The following UTRN variants were observed in gnomAD, a reference collection of about 807,000 sequenced individuals.
UTRN encodes the protein dystrophin-related protein 1.
In UTRN, 283 loss-of-function variants were observed where a neutral mutation model predicts 463.9. That is an observed-to-expected ratio of 0.61 (90% confidence interval 0.55 to 0.67). The LOEUF is 0.67. Ranked by LOEUF, UTRN falls within the 30% of genes least tolerant of loss-of-function variation. The probability of loss-of-function intolerance (pLI) is 0.00; values close to 1 mark genes in which losing one functional copy is unlikely to be tolerated. For missense variants in UTRN, 3,922 were observed against 4,084.3 expected (o/e 0.96, Z 1.08); for synonymous variants, 1,442 against 1,431.5 (o/e 1.01, Z -0.17).
At chr6:144,644,206 C>T (rs1267160361) in intron 51 of UTRN, among the ~76,000 whole-genome samples, 3 of 152,140 alleles carry the variant, frequency 2.0e-5, no homozygotes, top group African/African-American at 7.2e-5. Context: ...TAATCCTTAT[C>T]CTCTTATGCC....
intron 55 of UTRN, among the ~76,000 whole-genome samples, chr6:144,750,443 G>A (rs17074121): frequency 0.026 from 3,884 of 152,018 alleles, 158 homozygotes; most frequent in African/African-American, 0.089. Flanking sequence ...TGCAGGGTTC[G>A]GTAATATTTC....
Position 144,851,008 on chromosome 6 carries a change from C to T in UTRN, c.*11C>T, listed in dbSNP as rs199780135. Reference sequence around the variant, plus strand: ...CCATAGGCAATGTGAAGTATTCATCCGGCCAACCAATGTTTCCTGACGTAC... The same window carrying T: ...CCATAGGCAATGTGAAGTATTCATCTGGCCAACCAATGTTTCCTGACGTAC... On this transcript the variant is annotated 3_prime_UTR_variant, in exon 75 of 75. Transcript: ENST00000367545. 6.8e-5 allele frequency: 109 copies of T among 1,613,598 alleles called. 1 individual carries two copies. The highest frequency in any genetic ancestry group is 6.7e-4 in the East Asian group (30 of 44,878).
At chr6:144,390,153 C>G (rs1438052605) in intron 2 of UTRN, among the ~76,000 whole-genome samples, 1 of 152,122 alleles carries the variant, frequency 6.6e-6, no homozygotes, top group African/African-American at 2.4e-5. Flanking sequence ...AAAATTTTGT[C>G]TCTTAAGAGC....
In UTRN at chr6:144,499,359, G is replaced by C; in HGVS notation, c.4696G>C (p.Glu1566Gln). The C allele has an allele frequency of 1.2e-6, 2 of 1,613,844 alleles. No homozygotes were observed. Among genetic ancestry groups the C allele is most frequent in the Middle Eastern group, 1.7e-4 (1 of 6,060 alleles). ...TGAATGGCTTTCTGCTACTGAAACT[G>C]AATTGGTACAGAAGTCCACTTCAGA... ...LSEWLSATET[E>Q]LVQKSTSEGL... Residue 1566 changes from glutamate to glutamine, a missense_variant, in exon 34 of 75, where the codon GAA becomes CAA. Glu to Gln is a conservative substitution (Grantham distance 29, BLOSUM62 2). This residue lies in a region of UTRN where 2,349 missense variants were observed against 2,303.8 expected (regional missense o/e 1.02). Transcript: ENST00000367545.
intron 9 of UTRN, among the ~76,000 whole-genome samples, chr6:144,434,906 T>G (rs1273201999): frequency 3.3e-5 from 5 of 152,142 alleles, no homozygotes; most frequent in African/African-American, 1.2e-4. Flanking sequence ...TTGGGACAGT[T>G]CTGGTTTGGA....
chr6:144,754,575 CAG>C (rs975952022), intron 56 of UTRN, 143 bp from the exon 57 acceptor site: 2 of 225,122 alleles, frequency 8.9e-6, no homozygotes, highest in African/African-American at 5.6e-5. Context: ...ATACCAGAGA[CAG>C]AGAAGGGGTC....
chr6:144,584,120 C>G (rs1802236157), intron 51 of UTRN, among the ~76,000 whole-genome samples: 1 of 152,100 alleles, frequency 6.6e-6, no homozygotes, highest in Admixed American at 6.5e-5. Context: ...TCTTAAATCT[C>G]CATATATTAT....
chr6:144,784,538 AC>A (rs1220364838), intron 61 of UTRN, among the ~76,000 whole-genome samples: 1 of 152,136 alleles, frequency 6.6e-6, no homozygotes, highest in African/African-American at 2.4e-5. Context: ...ATCTTTAAAG[AC>A]CCTATCTCCA....
intron 51 of UTRN, among the ~76,000 whole-genome samples, chr6:144,610,212 A>G (rs969752432): frequency 2.0e-5 from 3 of 151,802 alleles, no homozygotes; most frequent in Non-Finnish European, 4.4e-5. Flanking sequence ...AAAAAGACCC[A>G]AAGAAGTAAA....
chr6:144,827,787 G>A, intron 68 of UTRN, 111 bp downstream of exon 68: 2 of 1,294,680 alleles, frequency 1.5e-6, no homozygotes, highest in East Asian at 2.5e-5. Flanking sequence ...AGTTTTGCAG[G>A]AGTTATGATT....
intron 51 of UTRN, among the ~76,000 whole-genome samples, chr6:144,598,373 A>G (rs1356328005): frequency 1.3e-5 from 2 of 152,224 alleles, no homozygotes; most frequent in Non-Finnish European, 2.9e-5. Flanking sequence ...CCTGGAATCA[A>G]TCGAAGGGAG....
At chr6:144,564,126 C>T (rs1446539236) in intron 50 of UTRN, among the ~76,000 whole-genome samples, 2 of 152,134 alleles carry the variant, frequency 1.3e-5, no homozygotes, top group African/African-American at 2.4e-5. Flanking sequence ...CATTCCTGCT[C>T]CCAGGAAGCT....
At chr6:144,413,052 G>C (rs73780560) in intron 3 of UTRN, among the ~76,000 whole-genome samples, 4,714 of 152,186 alleles carry the variant, frequency 0.031, 152 homozygotes, top group African/African-American at 0.078. Context: ...TCTCCCTGCT[G>C]TATCTGTTTC....
chr6:144,492,724 A>G (rs1793186056), intron 32 of UTRN, among the ~76,000 whole-genome samples: 2 of 152,202 alleles, frequency 1.3e-5, no homozygotes, highest in Admixed American at 1.3e-4. Flanking sequence ...GACTGGTGTG[A>G]GATAGTATCT....
intron 73 of UTRN, among the ~76,000 whole-genome samples, chr6:144,844,944 T>C (rs1781897059): frequency 6.6e-6 from 1 of 152,252 alleles, no homozygotes; most frequent in Admixed American, 6.5e-5. Flanking sequence ...TTTCCACTCT[T>C]GGCAATCTTG....
rs192741426 is a variant in UTRN, at chr6:144,579,689, A to G, written c.7479+2401A>G. Among the ~76,000 whole-genome samples the G allele has an allele frequency of 2.0e-5, 3 of 152,358 alleles. No homozygotes were observed. The East Asian group carries it at 5.8e-4, about 29-fold the overall frequency. On this transcript the variant is annotated intron_variant, in intron 51 of 74. Transcript: ENST00000367545. The stretch of plus-strand genomic sequence containing the variant: ...TTACTTATGGCAAACAGCATCAAGA[A>G]AGGGTGCTGATAAAAATATTAAAAT...
intron 73 of UTRN, among the ~76,000 whole-genome samples, chr6:144,846,483 C>T (rs1309208343): frequency 2.6e-5 from 4 of 152,146 alleles, no homozygotes; most frequent in Admixed American, 6.5e-5. Context: ...TGTTCTGATA[C>T]ATAAACCAAA....
intron 3 of UTRN, among the ~76,000 whole-genome samples, chr6:144,405,414 C>G (rs1038047097): frequency 3.3e-5 from 5 of 152,054 alleles, no homozygotes; most frequent in African/African-American, 1.2e-4. Flanking sequence ...TCCCATGTGG[C>G]TTAACTCTTG....
chr6:144,358,600 A>C (rs963192803), intron 2 of UTRN, among the ~76,000 whole-genome samples: 6 of 152,134 alleles, frequency 3.9e-5, no homozygotes, highest in African/African-American at 1.4e-4. Flanking sequence ...ATATTCTATT[A>C]ACTCTTGTGT....
Sources: allele counts gnomAD v4.1 joint callset (sites outside exome capture counted in the v4.1 genomes callset), GRCh38; gene constraint gnomAD v4.1.1; regional missense constraint gnomAD v4.1.1; transcripts MANE v1.5; gene names NCBI Gene and HGNC (gene_info 2026-07-23, HGNC 2026-07-21).